Variants in RGS6 observed in about 807,000 individuals in gnomAD.
The protein encoded by RGS6 is regulator of G protein signaling 6.
In RGS6, 30 loss-of-function variants were observed where a neutral mutation model predicts 78.5. The ratio of observed to expected loss-of-function variants is 0.38; its 90% CI spans 0.29 to 0.52. RGS6 has a LOEUF of 0.52. Among genes scored for constraint, RGS6 ranks in the 20% least tolerant of loss-of-function variants. The pLI is 0.85. For missense variants in RGS6, 495 were observed against 609.7 expected (o/e 0.81, Z 1.98); for synonymous variants, 206 against 206.0 (o/e 1.00, Z 0.00).
At chr14:71,922,169 G>A in the RGS6 span, among the ~76,000 whole-genome samples, 82 of 152,292 alleles carry the variant, frequency 5.4e-4, no homozygotes, top group Admixed American at 1.8e-3. Context: ...TTGGTCAATG[G>A]CAGTATCATT....
intron 2 of RGS6, among the ~76,000 whole-genome samples, chr14:72,153,787 C>T (rs539872712): frequency 6.6e-6 from 1 of 152,128 alleles, no homozygotes; most frequent in Non-Finnish European, 1.5e-5. Flanking sequence ...AGATCATATG[C>T]TTCTGGGGAA....
At chr14:72,532,578 G>T (rs1381895441) in intron 15 of RGS6, among the ~76,000 whole-genome samples, 1 of 152,236 alleles carries the variant, frequency 6.6e-6, no homozygotes, top group East Asian at 1.9e-4. Flanking sequence ...TGAAAGCTAG[G>T]CCTCTTATGC....
At chr14:72,603,686 A>G in the RGS6 span, among the ~76,000 whole-genome samples, 1 of 137,532 alleles carries the variant, frequency 7.3e-6, no homozygotes, top group Admixed American at 7.5e-5. Flanking sequence ...CAGGTGCTAT[A>G]TGACAGGGAT....
chr14:72,437,335 C>T (rs1217152768), intron 3 of RGS6, among the ~76,000 whole-genome samples: 2 of 102,138 alleles, frequency 2.0e-5, no homozygotes, highest in African/African-American at 7.4e-5. Flanking sequence ...AGTGAGACTC[C>T]ATCTCAAAAA....
At chr14:72,250,411 A>AAAC (rs2055426369) in intron 2 of RGS6, among the ~76,000 whole-genome samples, 1 of 151,400 alleles carries the variant, frequency 6.6e-6, no homozygotes, top group Non-Finnish European at 1.5e-5. Context: ...AAAAAAAAAA[A>AAAC]AACCCCAAGG....
chr14:72,085,943 G>GT (rs1384372537), intron 2 of RGS6, among the ~76,000 whole-genome samples: 2 of 146,794 alleles, frequency 1.4e-5, no homozygotes, highest in Non-Finnish European at 3.0e-5. Context: ...GGTTACCTTT[G>GT]TTTCCTCGTT....
chr14:72,472,793 G>A (rs2096121405), intron 8 of RGS6, 79 bp from the exon 9 acceptor site: 7 of 1,045,856 alleles, frequency 6.7e-6, no homozygotes, highest in Non-Finnish European at 4.3e-6. Flanking sequence ...CTAGCAACAG[G>A]AGCAAACGCT....
At chr14:72,192,361 A>G (rs1237770911) in intron 2 of RGS6, among the ~76,000 whole-genome samples, 2 of 152,232 alleles carry the variant, frequency 1.3e-5, no homozygotes, top group South Asian at 2.1e-4. Flanking sequence ...GAAAGATGGT[A>G]CAAAGAAAAA....
In RGS6 at chr14:72,183,503, T is replaced by A. The variant is rs140494845; in HGVS notation, c.85-168592T>A. Reference sequence around the variant, plus strand: ...AGTTTTATATCTGGGTCTGCAGTGGTTTGATCATTGACTCACTGAGAACAA... The same window carrying A: ...AGTTTTATATCTGGGTCTGCAGTGGATTGATCATTGACTCACTGAGAACAA... On this transcript the variant is annotated intron_variant, in intron 2 of 17. Transcript: ENST00000553525. Among the ~76,000 whole-genome samples, 5 of 152,332 alleles carry A rather than the reference T, an allele frequency of 3.3e-5. No individual in the cohort carries two copies. The East Asian group carries it at 9.6e-4, about 29-fold the overall frequency.
At chr14:72,124,638 A>G (rs1317153159) in intron 2 of RGS6, among the ~76,000 whole-genome samples, 4 of 152,236 alleles carry the variant, frequency 2.6e-5, no homozygotes, top group Non-Finnish European at 5.9e-5. Flanking sequence ...AAATAAAAAT[A>G]GAAAAGCATT....
At chr14:72,034,067 G>C (rs2091320632) in intron 2 of RGS6, among the ~76,000 whole-genome samples, 1 of 152,214 alleles carries the variant, frequency 6.6e-6, no homozygotes, top group Middle Eastern at 3.4e-3. Context: ...TCTTTACATA[G>C]ATGTCTCTAT....
intron 2 of RGS6, among the ~76,000 whole-genome samples, chr14:72,336,068 T>C (rs2075969939): frequency 6.6e-6 from 1 of 152,214 alleles, no homozygotes; most frequent in African/African-American, 2.4e-5. Flanking sequence ...AATTCACCTT[T>C]TTCTTTTGCT....
chr14:72,097,258 C>G (rs913939566), intron 2 of RGS6, among the ~76,000 whole-genome samples: 5 of 152,232 alleles, frequency 3.3e-5, no homozygotes, highest in African/African-American at 1.2e-4. Flanking sequence ...GGTGCAATTT[C>G]TATTCTATGT....
chr14:71,897,581 C>A, the RGS6 span, among the ~76,000 whole-genome samples: 9 of 152,060 alleles, frequency 5.9e-5, no homozygotes, highest in African/African-American at 1.2e-4. Flanking sequence ...AGTGCAGTGG[C>A]ACGACCTCAG....
At chr14:72,247,829 C>T (rs1201902301) in intron 2 of RGS6, among the ~76,000 whole-genome samples, 1 of 152,158 alleles carries the variant, frequency 6.6e-6, no homozygotes, top group African/African-American at 2.4e-5. Context: ...TTCTGCCTTT[C>T]ACTGTGGGAT....
At chr14:72,046,706 G>C (rs2092873816) in intron 2 of RGS6, among the ~76,000 whole-genome samples, 1 of 150,530 alleles carries the variant, frequency 6.6e-6, no homozygotes, top group Non-Finnish European at 1.5e-5. Context: ...ACTAAAAAGA[G>C]TTATATTAGC....
At chr14:71,916,433 T>TTTTGGTAAAC in the RGS6 span, among the ~76,000 whole-genome samples, 8,055 of 152,240 alleles carry the variant, frequency 0.053, 360 homozygotes, top group East Asian at 0.21. Flanking sequence ...TTTTGGTAAA[T>TTTTGGTAAAC]AGGTCTCTGT....
At chr14:72,091,047 G>A (rs147127520) in intron 2 of RGS6, among the ~76,000 whole-genome samples, 69 of 152,240 alleles carry the variant, frequency 4.5e-4, no homozygotes, top group African/African-American at 1.5e-3. Context: ...TAGCATGAAC[G>A]TTTATTGTGC....
chr14:72,621,140 CAA>C, the RGS6 span, among the ~76,000 whole-genome samples: 553 of 121,968 alleles, frequency 4.5e-3, 7 homozygotes, highest in African/African-American at 0.011. Context: ...GACTCTGTCT[CAA>C]AAAAAAAAAA....
Sources: allele counts gnomAD v4.1 joint callset (sites outside exome capture counted in the v4.1 genomes callset), GRCh38; gene constraint gnomAD v4.1.1; transcripts MANE v1.5; gene names NCBI Gene and HGNC (gene_info 2026-07-23, HGNC 2026-07-21).